The following JMJD4 variants were observed in gnomAD, a reference collection of about 807,000 sequenced individuals.
JMJD4 encodes the protein 2-oxoglutarate and iron-dependent oxygenase JMJD4.
JMJD4 carries 34 observed loss-of-function variants against 36.3 expected under a neutral mutation model. The observed-to-expected ratio is 0.94, with a 90% CI of 0.71 to 1.25. JMJD4 has a LOEUF of 1.25. JMJD4 is among the 50% of genes most tolerant of loss of function. The pLI, the probability that JMJD4 is intolerant of heterozygous loss-of-function variation, is 0.00. For synonymous variants in JMJD4, 269 were observed against 235.3 expected (o/e 1.14, Z -1.31); for missense variants, 584 against 559.1 (o/e 1.04, Z -0.45).
chr1:227,734,117 T>C (rs918730296), intron 2 of JMJD4, 85 bp from the exon 3 acceptor site: 6 of 1,473,552 alleles, frequency 4.1e-6, no homozygotes, highest in Non-Finnish European at 5.5e-6. Flanking sequence ...CTGAGACCAA[T>C]CGGCTCCAGT....
chr1:227,733,834 T>G (rs1378421506), intron 3 of JMJD4, 73 bp downstream of exon 3: 2 of 1,598,652 alleles, frequency 1.3e-6, no homozygotes, highest in African/African-American at 1.3e-5. Context: ...GCCCCCCTCC[T>G]GCCACCCTGG....
At position 227,733,690 on chromosome 1, in the gene JMJD4, G is replaced by GC. The variant is rs745766569; in HGVS notation, c.555-10dup. 1.9e-6 allele frequency: 3 copies of GC among 1,599,550 alleles called. No individual in the cohort carries two copies. The South Asian group carries it at 3.3e-5, about 18-fold the overall frequency. ...CAGCATGGAACGGGGACCTGCGGCA[G>GC]CAAGAGCGCCTGGTTCATGCCTGTA... On this transcript the variant is annotated splice_polypyrimidine_tract_variant and intron_variant, in intron 3 of 5. Transcript: ENST00000620518.
At position 227,732,313 on chromosome 1, in the gene JMJD4, G is replaced by C. The variant is rs1660709188; in HGVS notation, c.*79C>G. On this transcript the variant is annotated 3_prime_UTR_variant, in exon 6 of 6. Coordinates refer to ENST00000620518, the MANE Select transcript of JMJD4 (RefSeq NM_023007.3). ...GGGGTGGGCCCCAGGTCACAGGGAG[G>C]GCGGTCTTTATTTCTGGAAGGGCCC... The C allele has an allele frequency of 4.0e-6, 6 of 1,516,848 alleles. No homozygotes were observed. Among genetic ancestry groups the C allele is most frequent in the Middle Eastern group, 4.8e-4 (2 of 4,178 alleles). 94.0% of individuals were successfully genotyped at this position (1,516,848 alleles called of 1,614,324 possible). A position where few individuals can be genotyped will look rare whatever the true frequency, so the allele number is the denominator to read the frequency against.
chr1:227,732,773 A>G, intron 5 of JMJD4, 97 bp from the exon 6 acceptor site: 1 of 1,588,944 alleles, frequency 6.3e-7, no homozygotes, highest in South Asian at 1.1e-5. Context: ...CGAAGAAGGG[A>G]CCATTAAGAC....
Position 227,735,301 on chromosome 1 carries a change from C to G in JMJD4, c.-28G>C. 1 of 1,604,768 alleles carries G rather than the reference C, an allele frequency of 6.2e-7. No homozygotes were observed. The highest frequency in any genetic ancestry group is 8.5e-7 in the Non-Finnish European group (1 of 1,177,658). ...AGCTCAGCACGGGTCGAAGGACCCT[C>G]CTCCTCACTTCCGCCGGAGCGGAAA... On this transcript the variant is annotated 5_prime_UTR_variant, in exon 1 of 6. Transcript: ENST00000620518.
intron 2 of JMJD4, 156 bp from the exon 3 acceptor site, chr1:227,734,188 G>A: frequency 1.2e-6 from 1 of 808,834 alleles, no homozygotes; most frequent in South Asian, 1.8e-5. Flanking sequence ...GCCAGACGCT[G>A]CTGGCGGGGG....
rs1660942052 is a variant in JMJD4 at position 227,734,667 on chromosome 1, C to G, written c.412G>C (p.Asp138His). 1 of 1,614,084 alleles carries G rather than the reference C, an allele frequency of 6.2e-7. No individual in the cohort carries two copies. Among genetic ancestry groups the G allele is most frequent in the East Asian group, 2.2e-5 (1 of 44,874 alleles). The change falls in exon 2 of 6, where the codon GAC (aspartate) becomes CAC (histidine). Residue 138 changes from aspartate to histidine, a missense_variant. By Grantham distance (81) the Asp-to-His change is moderately conservative. Transcript: ENST00000620518. ...SSPRGCLYLK[D>H]WHLCRDFPVE... ...CCCCATTACCTGCACAAGTGCCAGT[C>G]TTTGAGGTAGAGACAGCCCCTGGGA... is the stretch of plus-strand genomic sequence containing the variant.
In JMJD4 at chr1:227,735,274, C is replaced by A; in HGVS notation, c.-1G>T. 6.2e-7 allele frequency: 1 copy of A among 1,606,786 alleles called. No individual in the cohort carries two copies. The highest frequency in any genetic ancestry group is 8.5e-7 in the Non-Finnish European group (1 of 1,177,652). ...CGAGGGCGCGCGTCTCGCGGTCCAT[C>A]CAGCTCAGCACGGGTCGAAGGACCC... On this transcript the variant is annotated 5_prime_UTR_variant, in exon 1 of 6. Coordinates refer to ENST00000620518, the MANE Select transcript of JMJD4 (RefSeq NM_023007.3).
rs41270155 is a variant in JMJD4, at chr1:227,732,613, C to A, written c.1033G>T (p.Ala345Ser). 8.1e-6 allele frequency: 13 copies of A among 1,613,388 alleles called. No homozygotes were observed. Among genetic ancestry groups the A allele is most frequent in the Non-Finnish European group, 9.3e-6 (11 of 1,180,028 alleles). ...EEFYHFLKVI[A>S]EKRLLVLREA... ...CTCAGGACCAGGAGCCTCTTCTCAGCGATGACCTTGAGGAAGTGGTAAAAC... is the reference window on the plus strand; with the variant it reads ...CTCAGGACCAGGAGCCTCTTCTCAGAGATGACCTTGAGGAAGTGGTAAAAC... Residue 345 changes from alanine to serine, a missense_variant, in exon 6 of 6, where the codon GCT becomes TCT. Ala to Ser is a moderately conservative substitution (Grantham distance 99). Coordinates refer to ENST00000620518, the MANE Select transcript of JMJD4 (RefSeq NM_023007.3).
At chr1:227,734,352 TAAAAAAAA>T (rs56684758) in intron 2 of JMJD4, 9 of 77,608 alleles carry the variant, frequency 1.2e-4, no homozygotes, top group Non-Finnish European at 2.0e-4. Flanking sequence ...CTAGTCTCTT[TAAAAAAAA>T]AAAAAAAAAA....
chr1:227,734,949 C>A, intron 1 of JMJD4, 63 bp downstream of exon 1: 1 of 1,495,052 alleles, frequency 6.7e-7, no homozygotes, highest in Non-Finnish European at 8.9e-7. Flanking sequence ...TAGGCGGGGG[C>A]CTCCCGGGCC....
In JMJD4 at chr1:227,734,724, A is replaced by C; in HGVS notation, c.355T>G (p.Trp119Gly). 1 of 1,614,136 alleles carries C rather than the reference A, an allele frequency of 6.2e-7. No homozygotes were observed. Among genetic ancestry groups the C allele is most frequent in the Non-Finnish European group, 8.5e-7 (1 of 1,179,986 alleles). ...HMTLRDYITYWKEYIQAGYSS... is the reference protein window; with the variant it reads ...HMTLRDYITYGKEYIQAGYSS... ...TAGCCCGCCTGTATGTACTCTTTCC[A>C]GTAGGTGATGTAGTCTCTGAGAGTC... The change falls in exon 2 of 6, where the codon TGG (tryptophan) becomes GGG (glycine). Residue 119 changes from tryptophan (W) to glycine (G), a missense_variant. Physicochemically the swap from Trp to Gly is radical, Grantham distance 184. Transcript: ENST00000620518.
At position 227,732,375 on chromosome 1, in the gene JMJD4, T is replaced by A; in HGVS notation, c.*17A>T. The A allele has an allele frequency of 6.2e-7, 1 of 1,608,790 alleles. No individual in the cohort carries two copies. ...GCTGCCTCTCTTCCACCCGTCCTTC[T>A]ATCCTCACGACAGGTGCTATGGGGC... On this transcript the variant is annotated 3_prime_UTR_variant, in exon 6 of 6. Transcript: ENST00000620518.
Position 227,732,216 on chromosome 1 carries a change from A to C in JMJD4, c.*176T>G. 1.4e-6 allele frequency: 1 copy of C among 694,670 alleles called. No individual in the cohort carries two copies. Among genetic ancestry groups the C allele is most frequent in the Non-Finnish European group, 2.4e-6 (1 of 408,790 alleles). 43.0% of individuals were successfully genotyped at this position (694,670 alleles called of 1,614,324 possible). On this transcript the variant is annotated 3_prime_UTR_variant, in exon 6 of 6. Transcript: ENST00000620518. ...GGCCACATCCCATCTTGGGTCCCTG[A>C]CCTCATTGGGCCTCACCTGAAAACA... is the stretch of plus-strand genomic sequence containing the variant.
chr1:227,734,842 C>A (rs1336920354), intron 1 of JMJD4, 26 bp from the exon 2 acceptor site: 2 of 1,612,740 alleles, frequency 1.2e-6, no homozygotes, highest in South Asian at 2.2e-5. Flanking sequence ...CGGTCCATGC[C>A]ATCTCCCTGG....
rs1243299307 is a variant in JMJD4 at position 227,733,596 on chromosome 1, C to G, written c.640G>C (p.Gly214Arg). The G allele has an allele frequency of 1.9e-6, 3 of 1,607,702 alleles. No individual in the cohort carries two copies. Among genetic ancestry groups the G allele is most frequent in the Non-Finnish European group, 1.7e-6 (2 of 1,178,904 alleles). Residue 214 changes from glycine to arginine, a missense_variant, in exon 4 of 6, where the codon GGG (glycine) becomes CGG (arginine). By Grantham distance (125) the Gly-to-Arg change is moderately radical. Coordinates refer to ENST00000620518, the MANE Select transcript of JMJD4 (RefSeq NM_023007.3). Reference sequence around the variant, plus strand: ...CGGTCCCGCAGGGCCTCTTCCTGCCCTGGGGGGAAGAGGAGCCACTTCTTC... The same window carrying G: ...CGGTCCCGCAGGGCCTCTTCCTGCCGTGGGGGGAAGAGGAGCCACTTCTTC... The part of the protein sequence containing the change: ...GRKKWLLFPP[G>R]QEEALRDRHG...
chr1:227,732,306 CAGGG>C lies in JMJD4; in HGVS notation c.*82_*85del. The C allele has an allele frequency of 6.7e-7, 1 of 1,497,552 alleles. No individual in the cohort carries two copies. The highest frequency in any genetic ancestry group is 9.2e-7 in the Non-Finnish European group (1 of 1,091,412). 92.8% of individuals were successfully genotyped at this position (1,497,552 alleles called of 1,614,324 possible). Reference sequence around the variant, plus strand: ...CTCGACAGGGGTGGGCCCCAGGTCACAGGGAGGGCGGTCTTTATTTCTGGAAGGG... The same window carrying C: ...CTCGACAGGGGTGGGCCCCAGGTCACAGGGCGGTCTTTATTTCTGGAAGGG... On this transcript the variant is annotated 3_prime_UTR_variant, in exon 6 of 6. Transcript: ENST00000620518.
rs757199014 is a variant in JMJD4 at position 227,733,509 on chromosome 1, G to C, written c.727C>G (p.Arg243Gly). ...AAGGGTGGGCCAGCAAGCTGGTTCC[G>C]TGGGTGCAGGTGTGTGTCGCAGAGT... ...PALCDTHLHP[R>G]NQLAGPPLEI... The change falls in exon 4 of 6, where the codon CGG (arginine) becomes GGG (glycine). Residue 243 changes from arginine to glycine, a missense_variant. By Grantham distance (125) the Arg-to-Gly change is moderately radical. Transcript: ENST00000620518. 6.3e-7 allele frequency: 1 copy of C among 1,593,668 alleles called. No homozygotes were observed. The highest frequency in any genetic ancestry group is 1.1e-5 in the South Asian group (1 of 89,388).
chr1:227,734,995 T>A lies in JMJD4; in HGVS notation c.262+17A>T. On this transcript the variant is annotated intron_variant, in intron 1 of 5. Coordinates refer to ENST00000620518, the MANE Select transcript of JMJD4 (RefSeq NM_023007.3). ...CGGCCTTTCCTCCCCGCCCGGGGTC[T>A]GCGGCCGCCGCCCCACCGTAGGTCC... The A allele has an allele frequency of 6.6e-7, 1 of 1,514,494 alleles. No individual in the cohort carries two copies. Among genetic ancestry groups the A allele is most frequent in the Non-Finnish European group, 8.8e-7 (1 of 1,134,288 alleles). 93.8% of individuals were successfully genotyped at this position (1,514,494 alleles called of 1,614,324 possible).
Sources: allele counts gnomAD v4.1 joint callset, GRCh38; gene constraint gnomAD v4.1.1; transcripts MANE v1.5; gene names NCBI Gene and HGNC (gene_info 2026-07-23, HGNC 2026-07-21).